Variants in SNX29 observed in about 807,000 individuals in gnomAD.
SNX29 encodes the protein sorting nexin-29.
A neutral mutation model predicts 102.1 loss-of-function variants in SNX29; 78 were observed. The observed-to-expected ratio is 0.76, with a 90% confidence interval of 0.64 to 0.92. SNX29 has a LOEUF of 0.92. Ranked by LOEUF, SNX29 falls within the 40% of genes least tolerant of loss-of-function variation. The pLI is 0.00. For missense variants in SNX29, 1,280 were observed against 1,061.7 expected (o/e 1.21, Z -2.86); for synonymous variants, 580 against 414.5 (o/e 1.40, Z -4.85).
chr16:12,445,976 C>T (rs1056314250), intron 18 of SNX29, among the ~76,000 whole-genome samples: 1 of 152,108 alleles, frequency 6.6e-6, no homozygotes, highest in African/African-American at 2.4e-5. Flanking sequence ...GCTCCCGAGT[C>T]CACGCTTTCG....
chr16:12,039,791 G>A (rs1055512041), intron 4 of SNX29, among the ~76,000 whole-genome samples: 2 of 152,118 alleles, frequency 1.3e-5, no homozygotes, highest in Non-Finnish European at 2.9e-5. Flanking sequence ...TGAGCTCTGG[G>A]GTCCCTTTCT....
intron 15 of SNX29, among the ~76,000 whole-genome samples, chr16:12,323,787 C>T (rs937752463): frequency 6.6e-6 from 1 of 152,180 alleles, no homozygotes; most frequent in African/African-American, 2.4e-5. Flanking sequence ...TCGTCTTCTT[C>T]ATCTGTGATG....
intron 18 of SNX29, among the ~76,000 whole-genome samples, chr16:12,467,934 G>A (rs111721559): frequency 4.5e-4 from 68 of 152,188 alleles, no homozygotes; most frequent in African/African-American, 1.6e-3. Context: ...CAGGCAGAGG[G>A]AACAGCCACA....
intron 13 of SNX29, 70 bp downstream of exon 13, chr16:12,129,828 G>T: frequency 6.7e-7 from 1 of 1,485,114 alleles, no homozygotes. Flanking sequence ...TACTGGGCCG[G>T]GCACGGTGGC....
intron 14 of SNX29, among the ~76,000 whole-genome samples, chr16:12,221,143 T>A (rs2077466331): frequency 6.6e-6 from 1 of 152,142 alleles, no homozygotes; most frequent in Non-Finnish European, 1.5e-5. Flanking sequence ...CACTCGGCAT[T>A]TTCTGCGAGG....
chr16:12,562,733 T>G (rs2078798967), intron 20 of SNX29, among the ~76,000 whole-genome samples: 1 of 152,200 alleles, frequency 6.6e-6, no homozygotes, highest in Non-Finnish European at 1.5e-5. Flanking sequence ...GTTTCTCGCT[T>G]TTATGGCATA....
chr16:12,110,196 C>T (rs916642322), intron 11 of SNX29, among the ~76,000 whole-genome samples: 7 of 152,080 alleles, frequency 4.6e-5, no homozygotes, highest in Non-Finnish European at 7.4e-5. Flanking sequence ...TCTCAGATGA[C>T]TCTCTTCCTG....
intron 18 of SNX29, among the ~76,000 whole-genome samples, chr16:12,407,859 A>G (rs1384188288): frequency 6.6e-6 from 1 of 152,214 alleles, no homozygotes; most frequent in Admixed American, 6.5e-5. Context: ...ATGTGCCTGT[A>G]GTCCCAGCAG....
chr16:12,240,979 T>C lies in SNX29; in HGVS notation c.1679-36954T>C, dbSNP rs547887014. Among the ~76,000 whole-genome samples the C allele has an allele frequency of 2.0e-5, 3 of 152,360 alleles. No homozygotes were observed. In the East Asian group the frequency reaches 5.8e-4, roughly 29 times the overall value. On this transcript the variant is annotated intron_variant, in intron 14 of 20. Transcript: ENST00000566228. ...AATTATTTTGACCCATAGTGGTTTT[T>C]AATTTTTACCTAATCAAATCCGGTG...
intron 15 of SNX29, among the ~76,000 whole-genome samples, chr16:12,354,632 G>T (rs1215459050): frequency 6.6e-6 from 1 of 152,208 alleles, no homozygotes; most frequent in Admixed American, 6.5e-5. Context: ...AATATCGGCA[G>T]CTGTGGATTT....
intron 18 of SNX29, among the ~76,000 whole-genome samples, chr16:12,414,489 C>G (rs1020265851): frequency 2.0e-5 from 3 of 152,200 alleles, no homozygotes; most frequent in Non-Finnish European, 4.4e-5. Flanking sequence ...CCCATCTTCA[C>G]CTCCACGGTT....
intron 14 of SNX29, among the ~76,000 whole-genome samples, chr16:12,236,635 G>T (rs559351119): frequency 6.6e-6 from 1 of 152,178 alleles, no homozygotes; most frequent in African/African-American, 2.4e-5. Context: ...ACCGCCATCT[G>T]TCCCACTGTG....
At chr16:11,976,942 C>T (rs1287511276) in intron 1 of SNX29, 129 bp downstream of exon 1, 13 of 1,188,062 alleles carry the variant, frequency 1.1e-5, no homozygotes, top group Admixed American at 4.3e-5. Flanking sequence ...GCTCCCTTTT[C>T]CAGACCCCTG....
intron 3 of SNX29, among the ~76,000 whole-genome samples, chr16:12,011,765 T>C (rs564314870): frequency 6.6e-6 from 1 of 152,204 alleles, no homozygotes; most frequent in East Asian, 1.9e-4. Flanking sequence ...CCTTCATGCC[T>C]CCTTCAGCCA....
At chr16:12,255,008 A>G (rs2078527696) in intron 14 of SNX29, among the ~76,000 whole-genome samples, 2 of 152,208 alleles carry the variant, frequency 1.3e-5, no homozygotes, top group Admixed American at 6.5e-5. Context: ...GTTTCTTCCC[A>G]TCAGCTGTAT....
chr16:12,458,156 C>T (rs1400720019), intron 18 of SNX29, among the ~76,000 whole-genome samples: 1 of 152,218 alleles, frequency 6.6e-6, no homozygotes, highest in African/African-American at 2.4e-5. Context: ...GGGCTCTGCA[C>T]TGCACGTGGA....
At chr16:12,437,367 G>A (rs1416605003) in intron 18 of SNX29, among the ~76,000 whole-genome samples, 1 of 152,210 alleles carries the variant, frequency 6.6e-6, no homozygotes, top group Admixed American at 6.5e-5. Flanking sequence ...CCTGCCCACC[G>A]CATTCCCTGT....
At chr16:12,227,635 C>T (rs1213540050) in intron 14 of SNX29, among the ~76,000 whole-genome samples, 1 of 152,138 alleles carries the variant, frequency 6.6e-6, no homozygotes, top group Non-Finnish European at 1.5e-5. Flanking sequence ...CGCGGTGGCT[C>T]ATGCCTGTAA....
intron 18 of SNX29, among the ~76,000 whole-genome samples, chr16:12,438,297 C>A (rs1400618565): frequency 6.6e-6 from 1 of 152,202 alleles, no homozygotes; most frequent in Non-Finnish European, 1.5e-5. Context: ...ATCAGCCCTC[C>A]TTGGGAAACT....
Sources: gnomAD v4.1 joint callset for allele counts (sites outside exome capture counted in the v4.1 genomes callset) on GRCh38, gnomAD v4.1.1 for gene constraint, MANE v1.5 for transcripts, NCBI Gene and HGNC (gene_info 2026-07-23, HGNC 2026-07-21) for gene names.